The following RNF144B variants were observed in gnomAD, a reference collection of about 807,000 sequenced individuals.
RNF144B encodes the protein E3 ubiquitin-protein ligase RNF144B.
A neutral mutation model predicts 40.2 loss-of-function variants in RNF144B; 25 were observed. The ratio of observed to expected loss-of-function variants is 0.62; its 90% confidence interval spans 0.45 to 0.87. RNF144B has a LOEUF of 0.87. Ranked by LOEUF, RNF144B falls within the 40% of genes least tolerant of loss-of-function variation. The pLI, the probability that RNF144B is intolerant of heterozygous loss-of-function variation, is 0.00. For missense variants in RNF144B, 365 were observed against 373.7 expected (o/e 0.98, Z 0.19); for synonymous variants, 145 against 136.3 (o/e 1.06, Z -0.44).
rs1028532310 is a variant in RNF144B at position 18,398,780 on chromosome 6, C to T, written c.-36-719C>T. On this transcript the variant is annotated intron_variant, in intron 1 of 7. Coordinates refer to ENST00000259939, the MANE Select transcript of RNF144B (RefSeq NM_182757.4). This position sits in a 1 kb window ranked among gnomAD's most constrained non-coding sequence, Gnocchi z 5.0. ...GCTATGAATATGGGTGTACAAATAT[C>T]TCTTTGAGACCCTGCTTTCAGTTCT... Among the ~76,000 whole-genome samples, 1 of 152,146 alleles carries T rather than the reference C, an allele frequency of 6.6e-6. No homozygotes were observed. Among genetic ancestry groups the T allele is most frequent in the Non-Finnish European group, 1.5e-5 (1 of 68,022 alleles).
chr6:18,453,553 A>G lies in RNF144B; in HGVS notation c.332-3602A>G, dbSNP rs371747577. ...AGCTATGTGGCGTTCAACTGTATGA[A>G]TGTATATTATTTGCTCACCTACATA... On this transcript the variant is annotated intron_variant, in intron 4 of 7. Coordinates refer to ENST00000259939, the MANE Select transcript of RNF144B (RefSeq NM_182757.4). 4.6e-5 allele frequency among the ~76,000 whole-genome samples: 7 copies of G among 152,226 alleles called. No homozygotes were observed. In the East Asian group the frequency reaches 9.6e-4, roughly 21 times the overall value.
At chr6:18,463,531 T>C in intron 7 of RNF144B, 151 bp downstream of exon 7, 1 of 602,424 alleles carries the variant, frequency 1.7e-6, no homozygotes, top group Non-Finnish European at 3.0e-6. Flanking sequence ...TAGGGAAAAG[T>C]AATGGGGTAA....
chr6:18,421,315 C>CACACACAT (rs1554176693), intron 2 of RNF144B, among the ~76,000 whole-genome samples: 2 of 142,506 alleles, frequency 1.4e-5, no homozygotes, highest in African/African-American at 5.3e-5. Flanking sequence ...CACACACACA[C>CACACACAT]ATATATATAA....
chr6:18,459,636 C>T lies in RNF144B; in HGVS notation c.566C>T (p.Pro189Leu), dbSNP rs771302398. ...CTCTTTGGGACAGATGCAGAAGCCCCCATTAAGCAGTGCCCAGTTTGCCGG... is the reference window on the plus strand; with the variant it reads ...CTCTTTGGGACAGATGCAGAAGCCCTCATTAAGCAGTGCCCAGTTTGCCGG... ...RALFGTDAEA[P>L]IKQCPVCRVY... Residue 189 changes from proline to leucine, a missense_variant, in exon 6 of 8, where the codon CCC becomes CTC. By Grantham distance (98) the Pro-to-Leu change is moderately conservative. Transcript: ENST00000259939. The surrounding 1 kb of genome is among the most constrained non-coding windows in gnomAD (Gnocchi z 4.2). 22 of 1,613,786 alleles carry T rather than the reference C, an allele frequency of 1.4e-5. No homozygotes were observed. The highest frequency in any genetic ancestry group is 1.6e-4 in the Middle Eastern group (1 of 6,078).
chr6:18,459,759 C>A lies in RNF144B; in HGVS notation c.681+8C>A, dbSNP rs1468087451. The A allele has an allele frequency of 6.2e-7, 1 of 1,613,352 alleles. No individual in the cohort carries two copies. On this transcript the variant is annotated splice_region_variant and intron_variant, in intron 6 of 7. Transcript: ENST00000259939. The surrounding 1 kb of genome is among the most constrained non-coding windows in gnomAD (Gnocchi z 4.2). Reference sequence around the variant, plus strand: ...TGCCTCCAGAACTTGGATGTAAGTTCCACCTAGGTTTGTTGTATGGTGTTT... The same window carrying A: ...TGCCTCCAGAACTTGGATGTAAGTTACACCTAGGTTTGTTGTATGGTGTTT...
rs779798283 is a variant in RNF144B, at chr6:18,439,704, G to A, written c.291G>A (p.Val97=). The change falls in exon 4 of 8, where the codon GTG becomes GTA. Residue 97 remains valine (V), a synonymous_variant. Coordinates refer to ENST00000259939, the MANE Select transcript of RNF144B (RefSeq NM_182757.4). ...QEAEIACLVP[V]DQFQLYQRLK... ...TTCAGATTGCCTGTTTGGTACCTGT[G>A]GACCAGTTTCAACTTTATCAGAGGT... 1 of 1,612,462 alleles carries A rather than the reference G, an allele frequency of 6.2e-7. No individual in the cohort carries two copies. The highest frequency in any genetic ancestry group is 8.5e-7 in the Non-Finnish European group (1 of 1,178,774).
rs1230182197 is a variant in RNF144B at position 18,441,765 on chromosome 6, C to CTCA, written c.331+2024_331+2026dup. On this transcript the variant is annotated intron_variant, in intron 4 of 7. Transcript: ENST00000259939. This position sits in a 1 kb window ranked among gnomAD's most constrained non-coding sequence, Gnocchi z 4.9. The stretch of plus-strand genomic sequence containing the variant: ...CTTAATATTTCTGCATCTCAACTTC[C>CTCA]TCATCTGTGAAATGGGGATAACAAG... Among the ~76,000 whole-genome samples the CTCA allele has an allele frequency of 2.0e-5, 3 of 152,032 alleles. No individual in the cohort carries two copies. Among genetic ancestry groups the CTCA allele is most frequent in the Non-Finnish European group, 4.4e-5 (3 of 68,028 alleles).
rs1469872284 is a variant in RNF144B at position 18,467,429 on chromosome 6, A to G, written c.*2362A>G. ...TTTTTTTTTTTTTTTTGCCAGGGCT[A>G]TGGAGTGGGGGTTGTTTGTCAAACT... is the stretch of plus-strand genomic sequence containing the variant. On this transcript the variant is annotated 3_prime_UTR_variant, in exon 8 of 8. Coordinates refer to ENST00000259939, the MANE Select transcript of RNF144B (RefSeq NM_182757.4). 1 of 65,404 alleles carries G rather than the reference A, an allele frequency of 1.5e-5. No homozygotes were observed. Among genetic ancestry groups the G allele is most frequent in the African/African-American group, 7.1e-5 (1 of 14,006 alleles). The allele number at this position is 65,404 out of a possible 1,614,324, so 4.1% of individuals were successfully genotyped here. A position where few individuals can be genotyped will look rare whatever the true frequency, so the allele number is the denominator to read the frequency against.
rs1289170038 is a variant in RNF144B at position 18,410,149 on chromosome 6, A to G, written c.165+10450A>G. On this transcript the variant is annotated intron_variant, in intron 2 of 7. Transcript: ENST00000259939. The surrounding 1 kb of genome is among the most constrained non-coding windows in gnomAD (Gnocchi z 4.6). The stretch of plus-strand genomic sequence containing the variant: ...GAGAGCAGGCAAAAGTTGGTTTCTG[A>G]TGAGAGAACTTTTCCATTGTTGCCA... 6.6e-6 allele frequency among the ~76,000 whole-genome samples: 1 copy of G among 152,192 alleles called. No homozygotes were observed. The highest frequency in any genetic ancestry group is 1.9e-4 in the East Asian group (1 of 5,186).
intron 1 of RNF144B, among the ~76,000 whole-genome samples, chr6:18,388,045 C>A (rs1045452665): frequency 1.3e-5 from 2 of 152,120 alleles, no homozygotes; most frequent in African/African-American, 4.8e-5. Context: ...AAGTTAAAAT[C>A]GAACTGATTG....
intron 6 of RNF144B, 54 bp from the exon 7 acceptor site, chr6:18,463,237 C>A: frequency 8.6e-7 from 1 of 1,158,738 alleles, no homozygotes; most frequent in Non-Finnish European, 1.3e-6. Context: ...GGTCTGTATT[C>A]ATTTCTCAAT....
At position 18,444,200 on chromosome 6, in the gene RNF144B, C is replaced by T. The variant is rs971540532; in HGVS notation, c.331+4456C>T. Among the ~76,000 whole-genome samples the T allele has an allele frequency of 2.0e-5, 3 of 152,162 alleles. No individual in the cohort carries two copies. The highest frequency in any genetic ancestry group is 4.4e-5 in the Non-Finnish European group (3 of 68,026). On this transcript the variant is annotated intron_variant, in intron 4 of 7. Transcript: ENST00000259939. The surrounding 1 kb of genome is among the most constrained non-coding windows in gnomAD (Gnocchi z 4.3). ...CACAAAAATCATCCTCCTGCTTACA[C>T]GAAGCAAAGAAATACTATCTGATAT...
Position 18,416,208 on chromosome 6 carries a change from A to C in RNF144B, c.166-11373A>C, listed in dbSNP as rs1795146804. ...AGAGGGATCTCTTTGGGATTAGTAT[A>C]AAAAGTGGGGCCTCCTTCTGTTAAG... On this transcript the variant is annotated intron_variant, in intron 2 of 7. Coordinates refer to ENST00000259939, the MANE Select transcript of RNF144B (RefSeq NM_182757.4). The surrounding 1 kb of genome is among the most constrained non-coding windows in gnomAD (Gnocchi z 5.5). Among the ~76,000 whole-genome samples, 1 of 152,198 alleles carries C rather than the reference A, an allele frequency of 6.6e-6. No individual in the cohort carries two copies. The highest frequency in any genetic ancestry group is 2.4e-5 in the African/African-American group (1 of 41,444).
chr6:18,449,597 T>C (rs1272126868), intron 4 of RNF144B, among the ~76,000 whole-genome samples: 4 of 151,948 alleles, frequency 2.6e-5, no homozygotes, highest in Admixed American at 1.3e-4. Context: ...GTATATTTAC[T>C]AAAAACAAAG....
chr6:18,453,028 A>T (rs1759243713), intron 4 of RNF144B, among the ~76,000 whole-genome samples: 1 of 151,534 alleles, frequency 6.6e-6, no homozygotes, highest in African/African-American at 2.4e-5. Context: ...CTAATGTGAT[A>T]GGCCAGCCTT....
At chr6:18,408,672 C>T (rs541195386) in intron 2 of RNF144B, among the ~76,000 whole-genome samples, 2 of 152,142 alleles carry the variant, frequency 1.3e-5, no homozygotes, top group African/African-American at 2.4e-5. Context: ...TGCGAAGGGC[C>T]CTTCCTACCT....
At chr6:18,445,478 G>T (rs566161811) in intron 4 of RNF144B, among the ~76,000 whole-genome samples, 1 of 152,198 alleles carries the variant, frequency 6.6e-6, no homozygotes, top group South Asian at 2.1e-4. Context: ...TTCTTGCCTC[G>T]CATAATTTAC....
At position 18,418,900 on chromosome 6, in the gene RNF144B, A is replaced by T. The variant is rs1795198837; in HGVS notation, c.166-8681A>T. On this transcript the variant is annotated intron_variant, in intron 2 of 7. Coordinates refer to ENST00000259939, the MANE Select transcript of RNF144B (RefSeq NM_182757.4). This position sits in a 1 kb window ranked among gnomAD's most constrained non-coding sequence, Gnocchi z 5.2. ...AATTGGTCTGTGGTATGGCCTGGGCATTGGACTTCTGGAAACCTTCCCAGA... is the reference window on the plus strand; with the variant it reads ...AATTGGTCTGTGGTATGGCCTGGGCTTTGGACTTCTGGAAACCTTCCCAGA... Among the ~76,000 whole-genome samples, 1 of 152,098 alleles carries T rather than the reference A, an allele frequency of 6.6e-6. No homozygotes were observed. The highest frequency in any genetic ancestry group is 1.9e-4 in the East Asian group (1 of 5,190).
chr6:18,388,044 T>A (rs942438421), intron 1 of RNF144B, among the ~76,000 whole-genome samples: 5 of 152,188 alleles, frequency 3.3e-5, no homozygotes, highest in Non-Finnish European at 5.9e-5. Context: ...TAAGTTAAAA[T>A]CGAACTGATT....
Sources: gnomAD v4.1 joint callset for allele counts (sites outside exome capture counted in the v4.1 genomes callset) on GRCh38, gnomAD v4.1.1 for gene constraint, Gnocchi (gnomAD v3.1) non-coding constraint, MANE v1.5 for transcripts, NCBI Gene and HGNC (gene_info 2026-07-23, HGNC 2026-07-21) for gene names.